The following BLTP1 variants were observed in gnomAD, a reference collection of about 807,000 sequenced individuals.
BLTP1 encodes the protein bridge-like lipid transfer protein family member 1, also known as fragile site-associated protein.
At chr4:122,165,286 C>T in the BLTP1 span, among the ~76,000 whole-genome samples, 1 of 151,774 alleles carries the variant, frequency 6.6e-6, no homozygotes, top group South Asian at 2.1e-4. Context: ...TGTGTTCTCA[C>T]TGTTCAATTC....
At chr4:122,351,680 G>A in the BLTP1 span, among the ~76,000 whole-genome samples, 2 of 152,004 alleles carry the variant, frequency 1.3e-5, no homozygotes, top group Non-Finnish European at 2.9e-5. Context: ...TTACTTCTTT[G>A]TGGTGTCATT....
At chr4:122,180,358 T>A in the BLTP1 span, among the ~76,000 whole-genome samples, 1 of 152,344 alleles carries the variant, frequency 6.6e-6, no homozygotes, top group East Asian at 1.9e-4. Context: ...AATTATATAT[T>A]TGTTTTCAAG....
At chr4:122,287,503 CGCCT>C in the BLTP1 span, 2 of 851,456 alleles carry the variant, frequency 2.3e-6, no homozygotes, top group Non-Finnish European at 2.8e-6. Flanking sequence ...GCAGGAGCCA[CGCCT>C]TAGTGGTCTG....
At chr4:122,249,587 A>G in the BLTP1 span, 1 of 1,613,846 alleles carries the variant, frequency 6.2e-7, no homozygotes. Context: ...GAAACTGATC[A>G]GCAAGCTGTT....
At chr4:122,179,797 G>A in the BLTP1 span, 180 of 962,602 alleles carry the variant, frequency 1.9e-4, 2 homozygotes, top group African/African-American at 2.9e-3. Context: ...GCCACACATT[G>A]CATGCCCACA....
At chr4:122,248,146 G>C in the BLTP1 span, 1 of 983,794 alleles carries the variant, frequency 1.0e-6, no homozygotes, top group Non-Finnish European at 1.2e-6. Flanking sequence ...CCAGGTGTGA[G>C]GCTGAAAGCA....
At chr4:122,173,076 T>G in the BLTP1 span, 1 of 1,612,336 alleles carries the variant, frequency 6.2e-7, no homozygotes. Flanking sequence ...ACCTCACATA[T>G]TATAATTCCC....
chr4:122,347,198 G>A, the BLTP1 span: 1 of 984,600 alleles, frequency 1.0e-6, no homozygotes, highest in Admixed American at 6.2e-5. Context: ...TTTAGATATT[G>A]TTGTAGGTAA....
At chr4:122,160,454 A>G in the BLTP1 span, among the ~76,000 whole-genome samples, 2 of 152,322 alleles carry the variant, frequency 1.3e-5, no homozygotes, top group Middle Eastern at 3.4e-3. Context: ...CTTTTTATAC[A>G]TTCCAGTACT....
At chr4:122,246,620 C>A in the BLTP1 span, 1 of 1,553,440 alleles carries the variant, frequency 6.4e-7, no homozygotes, top group South Asian at 1.2e-5. Context: ...CATTTTTGTG[C>A]ATATTTTATG....
the BLTP1 span, among the ~76,000 whole-genome samples, chr4:122,291,121 G>A: frequency 2.0e-5 from 3 of 152,046 alleles, no homozygotes; most frequent in South Asian, 4.1e-4. Context: ...AAAGAGGACT[G>A]GAAATTAATA....
At chr4:122,221,994 C>A in the BLTP1 span, 2 of 653,874 alleles carry the variant, frequency 3.1e-6, no homozygotes, top group Non-Finnish European at 3.8e-6. Context: ...GGTATGCAAA[C>A]TTGTGGAGAG....
At chr4:122,281,796 A>C in the BLTP1 span, 1 of 1,484,188 alleles carries the variant, frequency 6.7e-7, no homozygotes. Flanking sequence ...TTCTGAATTC[A>C]CTCTCTTAAA....
At chr4:122,205,169 TC>T in the BLTP1 span, among the ~76,000 whole-genome samples, 1 of 151,898 alleles carries the variant, frequency 6.6e-6, no homozygotes, top group East Asian at 1.9e-4. Flanking sequence ...GAATCTTTTT[TC>T]TGTTTAAATA....
At chr4:122,238,466 G>A in the BLTP1 span, 3 of 734,960 alleles carry the variant, frequency 4.1e-6, no homozygotes, top group Non-Finnish European at 6.8e-6. Flanking sequence ...ATTGTTACCT[G>A]TATATCTGAA....
chr4:122,346,889 G>T, the BLTP1 span: 1 of 1,452,434 alleles, frequency 6.9e-7, no homozygotes, highest in Non-Finnish European at 9.1e-7. Context: ...ATGTCCATTG[G>T]GCCCCTCTAA....
At chr4:122,304,767 A>G in the BLTP1 span, 6 of 1,605,214 alleles carry the variant, frequency 3.7e-6, no homozygotes, top group East Asian at 1.3e-4. Flanking sequence ...TTTAAGATTC[A>G]TTTTTTTCCT....
At chr4:122,334,321 A>G in the BLTP1 span, 54 of 1,479,984 alleles carry the variant, frequency 3.6e-5, no homozygotes, top group Admixed American at 6.9e-5. Flanking sequence ...TTTAATTTTA[A>G]AAGTTTATTT....
the BLTP1 span, chr4:122,336,379 C>A: frequency 1.4e-6 from 2 of 1,444,380 alleles, no homozygotes; most frequent in South Asian, 2.7e-5. Context: ...ATATACCTCC[C>A]CATAACATAT....
Sources: allele counts gnomAD v4.1 joint callset (sites outside exome capture counted in the v4.1 genomes callset), GRCh38; gene constraint gnomAD v4.1.1; transcripts MANE v1.5; gene names NCBI Gene and HGNC (gene_info 2026-07-23, HGNC 2026-07-21).